Variants in LRRIQ3 observed in about 807,000 individuals in gnomAD.
LRRIQ3 encodes the protein leucine-rich repeat and IQ domain-containing protein 3.
In LRRIQ3, 75 loss-of-function variants were observed where a neutral mutation model predicts 59.3. The observed-to-expected ratio is 1.26, with a 90% CI of 1.05 to 1.53. The LOEUF is 1.53. Ranked by LOEUF, LRRIQ3 falls within the 40% of genes most tolerant of loss-of-function variation. The probability of loss-of-function intolerance (pLI) is 0.00; values close to 1 mark genes in which losing one functional copy is unlikely to be tolerated. For missense variants in LRRIQ3, 831 were observed against 710.0 expected, an observed-to-expected ratio of 1.17 and a Z score of -1.94; for synonymous variants, 250 against 231.3, an observed-to-expected ratio of 1.08 and a Z score of -0.73.
chr1:74,107,810 T>TA, intron 5 of LRRIQ3, among the ~76,000 whole-genome samples: 1 of 151,502 alleles, frequency 6.6e-6, no homozygotes, highest in Non-Finnish European at 1.5e-5. Flanking sequence ...ATGGTGGTTA[T>TA]AAAAAATAAA....
chr1:74,180,463 C>A, intron 3 of LRRIQ3: 1 of 382,918 alleles, frequency 2.6e-6, no homozygotes, highest in East Asian at 4.3e-5. Flanking sequence ...GTTATTATTT[C>A]TTCTTTAATA....
chr1:74,135,580 AAC>A (rs1647109416), intron 4 of LRRIQ3, among the ~76,000 whole-genome samples: 1 of 150,822 alleles, frequency 6.6e-6, no homozygotes, highest in African/African-American at 2.5e-5. Flanking sequence ...ATAAGAAATC[AAC>A]AACAGAAGAA....
At chr1:74,051,674 C>T (rs928252340) in intron 6 of LRRIQ3, among the ~76,000 whole-genome samples, 10 of 152,142 alleles carry the variant, frequency 6.6e-5, no homozygotes, top group African/African-American at 2.4e-4. Flanking sequence ...TCTCCCCCAC[C>T]TTAAGCAACC....
At chr1:74,112,299 G>A (rs1403827788) in intron 4 of LRRIQ3, among the ~76,000 whole-genome samples, 1 of 152,098 alleles carries the variant, frequency 6.6e-6, no homozygotes, top group African/African-American at 2.4e-5. Context: ...ACAGAGTGTG[G>A]AGAATTTCAA....
chr1:74,104,668 G>A (rs979135469), intron 5 of LRRIQ3, among the ~76,000 whole-genome samples: 1 of 151,974 alleles, frequency 6.6e-6, no homozygotes, highest in East Asian at 1.9e-4. Context: ...GGTTGCCAGG[G>A]GTAAGGTAAG....
intron 3 of LRRIQ3, among the ~76,000 whole-genome samples, chr1:74,159,924 T>A (rs1648564703): frequency 6.6e-6 from 1 of 152,056 alleles, no homozygotes; most frequent in African/African-American, 2.4e-5. Context: ...CTTTTTCCAT[T>A]CAATAAATCA....
intron 7 of LRRIQ3, among the ~76,000 whole-genome samples, chr1:74,038,875 A>G (rs1653956437): frequency 6.6e-6 from 1 of 152,232 alleles, no homozygotes; most frequent in South Asian, 2.1e-4. Flanking sequence ...GAACGAATCA[A>G]TGAAAAAATG....
chr1:74,183,052 T>C (rs1045585421), intron 2 of LRRIQ3, 191 bp from the exon 3 acceptor site: 4 of 386,874 alleles, frequency 1.0e-5, no homozygotes, highest in African/African-American at 8.3e-5. Context: ...GTATCTGAGA[T>C]AATTTATTAT....
chr1:74,118,149 G>A (rs532595966), intron 4 of LRRIQ3, among the ~76,000 whole-genome samples: 2 of 152,002 alleles, frequency 1.3e-5, no homozygotes, highest in East Asian at 1.9e-4. Context: ...ACACTCACAT[G>A]TATATGTACA....
chr1:74,162,844 G>A (rs1648741792), intron 3 of LRRIQ3, among the ~76,000 whole-genome samples: 2 of 151,666 alleles, frequency 1.3e-5, no homozygotes, highest in South Asian at 2.1e-4. Context: ...GCTGGGAAGG[G>A]TAGAGGGAAA....
At position 74,065,996 on chromosome 1, in the gene LRRIQ3, G is replaced by C. The variant is rs531132133; in HGVS notation, c.997+8665C>G. 2.0e-5 allele frequency among the ~76,000 whole-genome samples: 3 copies of C among 152,092 alleles called. No homozygotes were observed. The East Asian group carries it at 5.8e-4, about 29-fold the overall frequency. On this transcript the variant is annotated intron_variant, in intron 6 of 7. Transcript: ENST00000354431. ...GAGGTGAGGAGTTTGAGACCAACCTGACCAACATAGTGAAACCCCATCTCT... is the reference window on the plus strand; with the variant it reads ...GAGGTGAGGAGTTTGAGACCAACCTCACCAACATAGTGAAACCCCATCTCT...
At chr1:74,133,465 A>T (rs1194802140) in intron 4 of LRRIQ3, among the ~76,000 whole-genome samples, 1 of 152,070 alleles carries the variant, frequency 6.6e-6, no homozygotes, top group Non-Finnish European at 1.5e-5. Flanking sequence ...ACCAACCCAA[A>T]TGTCCAACAA....
intron 5 of LRRIQ3, among the ~76,000 whole-genome samples, chr1:74,097,115 C>T (rs953827824): frequency 3.9e-5 from 6 of 151,980 alleles, no homozygotes; most frequent in African/African-American, 1.4e-4. Flanking sequence ...GTTTCTGCTG[C>T]CTTTTGGGGG....
At chr1:74,133,163 T>C (rs535496191) in intron 4 of LRRIQ3, among the ~76,000 whole-genome samples, 1 of 152,156 alleles carries the variant, frequency 6.6e-6, no homozygotes, top group East Asian at 1.9e-4. Flanking sequence ...CACAATGAGA[T>C]ACCACCTCAC....
chr1:74,154,809 G>A (rs957415980), intron 4 of LRRIQ3, among the ~76,000 whole-genome samples: 1 of 152,180 alleles, frequency 6.6e-6, no homozygotes, highest in African/African-American at 2.4e-5. Context: ...TGTCTCCAAT[G>A]TGAGATTATG....
At chr1:74,120,730 A>G (rs1411811333) in intron 4 of LRRIQ3, among the ~76,000 whole-genome samples, 1 of 152,044 alleles carries the variant, frequency 6.6e-6, no homozygotes, top group East Asian at 1.9e-4. Flanking sequence ...AAATGATAAT[A>G]TTTAATAAAT....
intron 4 of LRRIQ3, among the ~76,000 whole-genome samples, chr1:74,133,715 G>C (rs1164386214): frequency 6.6e-6 from 1 of 150,836 alleles, no homozygotes; most frequent in African/African-American, 2.4e-5. Context: ...CTGTCGTGGG[G>C]TGGGGGGAAG....
Position 74,026,252 on chromosome 1 carries a change from G to C in LRRIQ3, c.*561C>G, listed in dbSNP as rs1465502953. 1.3e-5 allele frequency: 2 copies of C among 152,150 alleles called. No individual in the cohort carries two copies. The highest frequency in any genetic ancestry group is 1.9e-4 in the East Asian group (1 of 5,192). 9.4% of individuals were successfully genotyped at this position (152,150 alleles called of 1,614,324 possible). ...TTACAGTCTTCAAGGAAGGTGATAA[G>C]AATGTTTAATTTACTTTTCATAGTT... On this transcript the variant is annotated 3_prime_UTR_variant, in exon 8 of 8. Coordinates refer to ENST00000354431, the MANE Select transcript of LRRIQ3 (RefSeq NM_001105659.2).
rs188536145 is a variant in LRRIQ3, at chr1:74,119,796, C to T, written c.708-10243G>A. Among the ~76,000 whole-genome samples, 13 of 152,166 alleles carry T rather than the reference C, an allele frequency of 8.5e-5. 1 individual carries two copies. The highest frequency in any genetic ancestry group is 2.9e-4 in the African/African-American group (12 of 41,534). ...TTCTGTTCATCTGATTTCTCTATCC[C>T]TGTGCCAATAAAATCATATATCGAT... On this transcript the variant is annotated intron_variant, in intron 4 of 7. Coordinates refer to ENST00000354431, the MANE Select transcript of LRRIQ3 (RefSeq NM_001105659.2).
Sources: gnomAD v4.1 joint callset for allele counts (sites outside exome capture counted in the v4.1 genomes callset) on GRCh38, gnomAD v4.1.1 for gene constraint, MANE v1.5 for transcripts, NCBI Gene and HGNC (gene_info 2026-07-23, HGNC 2026-07-21) for gene names.